Variants in CEP192 observed in about 807,000 individuals in gnomAD.
CEP192 encodes the protein centrosomal protein 192.
Under a neutral mutation model 271.8 loss-of-function variants are expected in CEP192, and 151 were observed. The ratio of observed to expected loss-of-function variants is 0.56; its 90% CI spans 0.49 to 0.64. The LOEUF (loss-of-function observed/expected upper bound fraction) is 0.64. Ranked by LOEUF, CEP192 falls within the 30% of genes least tolerant of loss-of-function variation. CEP192 has a pLI of 0.00. For missense variants in CEP192, 2,910 were observed against 3,020.5 expected, an observed-to-expected ratio of 0.96 and a Z score of 0.86; for synonymous variants, 995 against 1,076.5, an observed-to-expected ratio of 0.92 and a Z score of 1.48.
intron 17 of CEP192, 117 bp from the exon 18 acceptor site, chr18:13,052,802 C>CA (rs1271481447): frequency 1.2e-5 from 8 of 664,350 alleles, no homozygotes; most frequent in African/African-American, 1.8e-5. Context: ...TAAGTGTAAA[C>CA]ATTGAATTTG....
chr18:13,093,285 C>T (rs936396862), intron 34 of CEP192, among the ~76,000 whole-genome samples: 1 of 152,184 alleles, frequency 6.6e-6, no homozygotes, highest in Non-Finnish European at 1.5e-5. Context: ...ATTGTTTGTT[C>T]CAATAATGTC....
intron 12 of CEP192, 106 bp from the exon 13 acceptor site, chr18:13,038,263 AT>A: frequency 1.1e-6 from 1 of 926,874 alleles, no homozygotes; most frequent in Non-Finnish European, 1.6e-6. Flanking sequence ...GTTTTTCAAA[AT>A]TACTTTTTAA....
chr18:13,000,091 CTTTTTT>C (rs775544715), intron 2 of CEP192, among the ~76,000 whole-genome samples: 3,417 of 76,592 alleles, frequency 0.045, 191 homozygotes, highest in Middle Eastern at 0.16. Flanking sequence ...TGTCTTCTCT[CTTTTTT>C]TTTTTTTTTT....
At chr18:13,032,644 G>A (rs534027225) in intron 11 of CEP192, among the ~76,000 whole-genome samples, 21 of 152,240 alleles carry the variant, frequency 1.4e-4, no homozygotes, top group African/African-American at 5.1e-4. Context: ...GTACACCTGA[G>A]TACATATGCA....
At chr18:13,016,769 G>A (rs1383723404) in intron 6 of CEP192, among the ~76,000 whole-genome samples, 1 of 152,008 alleles carries the variant, frequency 6.6e-6, no homozygotes, top group East Asian at 1.9e-4. Context: ...CTCCTACAGT[G>A]GCCTTTCTCC....
At chr18:13,025,858 T>C (rs2035268580) in intron 9 of CEP192, among the ~76,000 whole-genome samples, 1 of 152,214 alleles carries the variant, frequency 6.6e-6, no homozygotes, top group Non-Finnish European at 1.5e-5. Flanking sequence ...CATAATTGAA[T>C]ACATTGTTGC....
chr18:13,006,826 C>G (rs2034010009), intron 3 of CEP192, among the ~76,000 whole-genome samples: 1 of 152,134 alleles, frequency 6.6e-6, no homozygotes, highest in Non-Finnish European at 1.5e-5. Flanking sequence ...TTCTTCTGGG[C>G]CGCTGTAACT....
intron 36 of CEP192, among the ~76,000 whole-genome samples, chr18:13,098,678 C>T (rs527779002): frequency 6.0e-5 from 9 of 151,118 alleles, no homozygotes; most frequent in East Asian, 3.9e-4. Context: ...CAGGCAGAGA[C>T]GCTCCTCACT....
At chr18:13,078,683 G>A (rs1382041411) in intron 30 of CEP192, among the ~76,000 whole-genome samples, 8 of 152,010 alleles carry the variant, frequency 5.3e-5, no homozygotes, top group South Asian at 2.1e-4. Flanking sequence ...TGTTCACAAC[G>A]TGCAGGTTTG....
At chr18:13,095,202 A>G (rs1407528651) in intron 34 of CEP192, among the ~76,000 whole-genome samples, 9 of 151,950 alleles carry the variant, frequency 5.9e-5, no homozygotes, top group African/African-American at 1.7e-4. Context: ...GTGTCTTGCT[A>G]TGTTGCCCAG....
intron 38 of CEP192, 89 bp downstream of exon 38, chr18:13,100,601 T>C: frequency 2.9e-6 from 3 of 1,043,756 alleles, no homozygotes; most frequent in Non-Finnish European, 2.8e-6. Flanking sequence ...GTGATAAATA[T>C]AAATTTCCTC....
intron 43 of CEP192, 29 bp downstream of exon 43, chr18:13,116,532 G>A: frequency 1.3e-6 from 2 of 1,561,058 alleles, no homozygotes; most frequent in South Asian, 2.4e-5. Flanking sequence ...TATGGGTTTT[G>A]GAAAAATACA....
intron 15 of CEP192, among the ~76,000 whole-genome samples, chr18:13,042,822 A>G (rs778826220): frequency 3.3e-5 from 5 of 152,042 alleles, no homozygotes; most frequent in African/African-American, 4.8e-5. Flanking sequence ...TGAATATTCT[A>G]TTGCTTTTAT....
chr18:13,027,773 C>G (rs771588151), intron 9 of CEP192, among the ~76,000 whole-genome samples: 16 of 152,006 alleles, frequency 1.1e-4, no homozygotes, highest in Non-Finnish European at 2.2e-4. Context: ...CAGTTTTCCA[C>G]ATTATGTTTC....
intron 14 of CEP192, among the ~76,000 whole-genome samples, chr18:13,041,203 G>A (rs530015711): frequency 1.3e-5 from 2 of 152,088 alleles, no homozygotes; most frequent in Non-Finnish European, 2.9e-5. Flanking sequence ...TTTCAGATGG[G>A]CTAGTTAATG....
rs2144436074 is a variant in CEP192, at chr18:13,071,081, G to A, written c.5217G>A (p.Glu1739=). 1 of 1,614,084 alleles carries A rather than the reference G, an allele frequency of 6.2e-7. No homozygotes were observed. Among genetic ancestry groups the A allele is most frequent in the East Asian group, 2.2e-5 (1 of 44,884 alleles). ...IFVQPFGPQY[E]VVLKGEVISS... ...TGCAGCCATTTGGACCTCAGTATGA[G>A]GTAGTGTTAAAAGGCGAAGTCATTT... Residue 1739 remains glutamate (E), a synonymous_variant, in exon 28 of 45, where the codon GAG becomes GAA. Coordinates refer to ENST00000506447, the MANE Select transcript of CEP192 (RefSeq NM_032142.4).
chr18:13,035,530 A>G (rs1164678644), intron 11 of CEP192, among the ~76,000 whole-genome samples: 2 of 152,196 alleles, frequency 1.3e-5, no homozygotes, highest in African/African-American at 4.8e-5. Flanking sequence ...TCCATGTTTC[A>G]GTTATCTCCC....
intron 40 of CEP192, among the ~76,000 whole-genome samples, chr18:13,108,149 T>G (rs1156538106): frequency 6.6e-6 from 1 of 152,096 alleles, no homozygotes; most frequent in Admixed American, 6.5e-5. Context: ...AAAAATTAAC[T>G]CAAGGTGGAT....
intron 33 of CEP192, among the ~76,000 whole-genome samples, chr18:13,090,729 G>T (rs1247570751): frequency 1.3e-5 from 2 of 152,132 alleles, no homozygotes; most frequent in African/African-American, 4.8e-5. Flanking sequence ...CTTGGACTTG[G>T]AGTTGAAACT....
Sources: gnomAD v4.1 joint callset for allele counts (sites outside exome capture counted in the v4.1 genomes callset) on GRCh38, gnomAD v4.1.1 for gene constraint, MANE v1.5 for transcripts, NCBI Gene and HGNC (gene_info 2026-07-23, HGNC 2026-07-21) for gene names.